Variants in CDH4 observed in about 807,000 individuals in gnomAD.
CDH4 encodes the protein cadherin-4.
A neutral mutation model predicts 86.0 loss-of-function variants in CDH4; 33 were observed. That is an observed-to-expected ratio of 0.38 (90% CI 0.29 to 0.51). The LOEUF (loss-of-function observed/expected upper bound fraction) is 0.51. Among genes scored for constraint, CDH4 ranks in the 20% least tolerant of loss-of-function variants. The pLI, the probability that CDH4 is intolerant of heterozygous loss-of-function variation, is 0.86. For synonymous variants in CDH4, 555 were observed against 549.4 expected (o/e 1.01, Z -0.14); for missense variants, 1,114 against 1,307.4 (o/e 0.85, Z 2.28).
At chr20:61,835,121 G>T (rs140231377) in intron 4 of CDH4, among the ~76,000 whole-genome samples, 2,623 of 152,334 alleles carry the variant, frequency 0.017, 32 homozygotes, top group Middle Eastern at 0.024. Context: ...TCACTGTGCT[G>T]CCCAGGCTGG....
intron 9 of CDH4, among the ~76,000 whole-genome samples, chr20:61,916,427 C>T (rs1222013347): frequency 6.6e-6 from 1 of 152,248 alleles, no homozygotes; most frequent in Non-Finnish European, 1.5e-5. Context: ...ATGACTCACA[C>T]TGAAATAGAC....
chr20:61,644,700 A>G (rs1242308770), intron 2 of CDH4, among the ~76,000 whole-genome samples: 1 of 151,984 alleles, frequency 6.6e-6, no homozygotes, highest in Non-Finnish European at 1.5e-5. Context: ...AACATCAACA[A>G]TCCGTCTATG....
intron 2 of CDH4, among the ~76,000 whole-genome samples, chr20:61,302,962 G>A (rs1348190046): frequency 1.3e-5 from 2 of 152,188 alleles, no homozygotes; most frequent in Non-Finnish European, 2.9e-5. Flanking sequence ...CCATAACACA[G>A]GTGCCTCCAG....
At chr20:61,351,226 AC>A (rs1375069428) in intron 2 of CDH4, among the ~76,000 whole-genome samples, 1 of 115,382 alleles carries the variant, frequency 8.7e-6, no homozygotes, top group Non-Finnish European at 1.8e-5. Context: ...TTGTGCCTGT[AC>A]TGAACATGGA....
At chr20:61,368,982 A>G (rs2084825198) in intron 2 of CDH4, among the ~76,000 whole-genome samples, 1 of 152,218 alleles carries the variant, frequency 6.6e-6, no homozygotes, top group Admixed American at 6.5e-5. Flanking sequence ...GAAAATCCCG[A>G]ATCTAATCAT....
chr20:61,277,973 G>A (rs528237691), intron 2 of CDH4, among the ~76,000 whole-genome samples: 51 of 152,306 alleles, frequency 3.3e-4, no homozygotes, highest in Non-Finnish European at 5.7e-4. Flanking sequence ...AGCCCCTGGC[G>A]TTGATCTCAG....
In CDH4 at chr20:61,743,532, C is replaced by T. The variant is rs370821271; in HGVS notation, c.170-31C>T. On this transcript the variant is annotated intron_variant, in intron 2 of 15. Coordinates refer to ENST00000614565, the MANE Select transcript of CDH4 (RefSeq NM_001794.5). ...GTTACCGCCCTTCTGCTGGCCAAGC[C>T]GACCCTGACTCTCTCCCCCTCCTCT... is the stretch of plus-strand genomic sequence containing the variant. 1,338 of 1,534,146 alleles carry T rather than the reference C, an allele frequency of 8.7e-4. 15 individuals are homozygous for T. The highest frequency in any genetic ancestry group is 1.3e-3 in the African/African-American group (98 of 72,910).
At chr20:61,669,134 G>A (rs1052894184) in intron 2 of CDH4, among the ~76,000 whole-genome samples, 1 of 152,248 alleles carries the variant, frequency 6.6e-6, no homozygotes, top group Non-Finnish European at 1.5e-5. Flanking sequence ...TAAGGAGCGG[G>A]CATGGGCACA....
intron 2 of CDH4, among the ~76,000 whole-genome samples, chr20:61,399,491 G>C (rs1398390982): frequency 1.3e-5 from 2 of 152,174 alleles, no homozygotes; most frequent in Admixed American, 6.5e-5. Context: ...CAAAGGTAGA[G>C]AGCATAGTAT....
intron 2 of CDH4, among the ~76,000 whole-genome samples, chr20:61,331,667 G>A (rs2084578937): frequency 7.2e-6 from 1 of 138,120 alleles, no homozygotes; most frequent in Non-Finnish European, 1.6e-5. Context: ...ACCTGCCCCA[G>A]GCTCACCTCC....
At chr20:61,755,793 A>C (rs994733374) in intron 3 of CDH4, among the ~76,000 whole-genome samples, 3 of 152,042 alleles carry the variant, frequency 2.0e-5, no homozygotes, top group Non-Finnish European at 4.4e-5. Context: ...ACACACACAC[A>C]CCACACATTT....
intron 2 of CDH4, among the ~76,000 whole-genome samples, chr20:61,692,002 G>A (rs1227182713): frequency 6.6e-6 from 1 of 152,176 alleles, no homozygotes; most frequent in East Asian, 1.9e-4. Context: ...TTTTGCCAAG[G>A]ACGTAAAATT....
At chr20:61,683,498 C>T (rs944660344) in intron 2 of CDH4, among the ~76,000 whole-genome samples, 18 of 152,110 alleles carry the variant, frequency 1.2e-4, no homozygotes, top group African/African-American at 3.4e-4. Flanking sequence ...CCCGGGAGTG[C>T]GGCCCAGGCA....
chr20:61,502,264 G>T (rs1050823951), intron 2 of CDH4, among the ~76,000 whole-genome samples: 6 of 152,184 alleles, frequency 3.9e-5, no homozygotes, highest in African/African-American at 1.4e-4. Flanking sequence ...ACCTGCTCCT[G>T]CTGTAAGGTG....
intron 2 of CDH4, among the ~76,000 whole-genome samples, chr20:61,724,373 C>G (rs943189905): frequency 1.3e-5 from 2 of 152,194 alleles, no homozygotes; most frequent in East Asian, 3.9e-4. Context: ...CGTGTCCCGC[C>G]AAGACTCCCC....
At chr20:61,824,762 C>T (rs1011450013) in intron 4 of CDH4, among the ~76,000 whole-genome samples, 1 of 152,154 alleles carries the variant, frequency 6.6e-6, no homozygotes, top group Admixed American at 6.5e-5. Flanking sequence ...CATCTGCAGC[C>T]TTTTATCCGC....
chr20:61,452,436 GT>G lies in CDH4; in HGVS notation c.169+197501del, dbSNP rs370851890. On this transcript the variant is annotated intron_variant, in intron 2 of 15. Coordinates refer to ENST00000614565, the MANE Select transcript of CDH4 (RefSeq NM_001794.5). ...TCCTAGTGGGAATTTATATAAAAGC[GT>G]TCAGACTCTGCAGAATAGCCACGTT... 2.7e-3 allele frequency among the ~76,000 whole-genome samples: 418 copies of G among 152,208 alleles called. 2 individuals carry two copies. Among genetic ancestry groups the G allele is most frequent in the African/African-American group, 9.6e-3 (400 of 41,532 alleles).
intron 2 of CDH4, among the ~76,000 whole-genome samples, chr20:61,353,662 CT>C (rs1265017513): frequency 7.4e-4 from 1 of 1,352 alleles, no homozygotes; most frequent in Admixed American, 0.012. Flanking sequence ...CCTCTTCTTC[CT>C]CCTCTTCCCC....
intron 2 of CDH4, among the ~76,000 whole-genome samples, chr20:61,317,354 A>G (rs1030723947): frequency 6.6e-6 from 1 of 152,156 alleles, no homozygotes; most frequent in Non-Finnish European, 1.5e-5. Flanking sequence ...TGCTATTTCT[A>G]ACATGGGATA....
Sources: allele counts gnomAD v4.1 joint callset (sites outside exome capture counted in the v4.1 genomes callset), GRCh38; gene constraint gnomAD v4.1.1; transcripts MANE v1.5; gene names NCBI Gene and HGNC (gene_info 2026-07-23, HGNC 2026-07-21).